NDUFA12: variants seen among roughly 807,000 people sequenced by gnomAD.
NDUFA12 encodes the protein NADH:ubiquinone oxidoreductase subunit A12, also known as NADH dehydrogenase [ubiquinone] 1 alpha subcomplex subunit 12.
NDUFA12 carries 17 observed loss-of-function variants against 20.3 expected under a neutral mutation model. That is an observed-to-expected ratio of 0.84 (90% confidence interval 0.57 to 1.26). The LOEUF (loss-of-function observed/expected upper bound fraction) is 1.26. Among genes scored for constraint, NDUFA12 ranks in the 50% most tolerant of loss-of-function variants. NDUFA12 has a pLI of 0.00. For missense variants in NDUFA12, 191 were observed against 183.7 expected, an observed-to-expected ratio of 1.04 and a Z score of -0.23; for synonymous variants, 72 against 63.6, an observed-to-expected ratio of 1.13 and a Z score of -0.63.
At chr12:94,976,581 G>T (rs1192970965) in intron 3 of NDUFA12, among the ~76,000 whole-genome samples, 1 of 152,072 alleles carries the variant, frequency 6.6e-6, no homozygotes, top group Non-Finnish European at 1.5e-5. Context: ...ATAATACTCG[G>T]CACACAGCAA....
At chr12:94,979,346 T>C (rs1293384130) in intron 3 of NDUFA12, among the ~76,000 whole-genome samples, 4 of 152,352 alleles carry the variant, frequency 2.6e-5, no homozygotes, top group South Asian at 2.1e-4. Context: ...GGCCAAAGAA[T>C]TGTTTCTACC....
At chr12:94,998,914 C>G (rs923690057) in intron 2 of NDUFA12, among the ~76,000 whole-genome samples, 5 of 152,148 alleles carry the variant, frequency 3.3e-5, no homozygotes, top group Admixed American at 2.0e-4. Context: ...TGGCCCAAAG[C>G]AATCTACAGA....
At chr12:94,995,674 T>C (rs562423277) in intron 2 of NDUFA12, among the ~76,000 whole-genome samples, 5 of 151,600 alleles carry the variant, frequency 3.3e-5, no homozygotes, top group African/African-American at 1.2e-4. Context: ...GCTGGGACCA[T>C]AGGCATGTGC....
chr12:94,971,450 G>T lies in NDUFA12; in HGVS notation c.428C>A (p.Pro143His). 6.2e-7 allele frequency: 1 copy of T among 1,614,094 alleles called. No homozygotes were observed. The highest frequency in any genetic ancestry group is 8.5e-7 in the Non-Finnish European group (1 of 1,179,938). ...TGTTCTTCATTGTCTTTACTTGTAA[G>T]GTGTTGAAGGTGGGATCCACTCCTG... ...KIQEWIPPSTPYK is the reference protein window; with the variant it reads ...KIQEWIPPSTHYK The change falls in exon 4 of 4, where the codon CCT (proline) becomes CAT (histidine). Residue 143 changes from proline to histidine, a missense_variant. Physicochemically the swap from Pro to His is moderately conservative, Grantham distance 77. Transcript: ENST00000327772.
rs533970472 is a variant in NDUFA12, at chr12:95,001,516, T to A, written c.169+1223A>T. 4.6e-5 allele frequency among the ~76,000 whole-genome samples: 7 copies of A among 152,040 alleles called. No homozygotes were observed. In the East Asian group the frequency reaches 5.8e-4, roughly 13 times the overall value. On this transcript the variant is annotated intron_variant, in intron 2 of 3. Transcript: ENST00000327772. ...GGTGACACATGCCTGTAATCCCAGCTACTTGGGTGGCTGAGGTAGGAGGAC... is the reference window on the plus strand; with the variant it reads ...GGTGACACATGCCTGTAATCCCAGCAACTTGGGTGGCTGAGGTAGGAGGAC...
In NDUFA12 at chr12:94,998,300, TCAACAAAA is replaced by T. The variant is rs554469255; in HGVS notation, c.170-4051_170-4044del. ...CAACATTCCTGTATGATAAAAACCC[TCAACAAAA>T]TTGGCACAGAAGGAACATACCTCAA... is the stretch of plus-strand genomic sequence containing the variant. On this transcript the variant is annotated intron_variant, in intron 2 of 3. Transcript: ENST00000327772. 6.3e-4 allele frequency among the ~76,000 whole-genome samples: 96 copies of T among 152,134 alleles called. No individual in the cohort carries two copies. In the South Asian group the frequency reaches 0.018, roughly 28 times the overall value.
rs545522842 is a variant in NDUFA12 at position 94,991,024 on chromosome 12, C to T, written c.257+3146G>A. ...AAAGGCCAGGTGTGGTGGCTCATGC[C>T]TCTAATCCCAGTATTTTGGGAGGCA... On this transcript the variant is annotated intron_variant, in intron 3 of 3. Coordinates refer to ENST00000327772, the MANE Select transcript of NDUFA12 (RefSeq NM_018838.5). Among the ~76,000 whole-genome samples the T allele has an allele frequency of 1.3e-4, 20 of 152,256 alleles. No individual in the cohort carries two copies. The East Asian group carries it at 3.7e-3, about 28-fold the overall frequency.
At chr12:94,990,898 AAAAC>A (rs751158216) in intron 3 of NDUFA12, among the ~76,000 whole-genome samples, 13 of 152,216 alleles carry the variant, frequency 8.5e-5, no homozygotes, top group Admixed American at 1.3e-4. Flanking sequence ...CAGTATTTGA[AAAAC>A]AAACAAACTA....
chr12:94,988,763 C>G lies in NDUFA12; in HGVS notation c.257+5407G>C, dbSNP rs149209376. On this transcript the variant is annotated intron_variant, in intron 3 of 3. Coordinates refer to ENST00000327772, the MANE Select transcript of NDUFA12 (RefSeq NM_018838.5). The stretch of plus-strand genomic sequence containing the variant: ...TTCCTGTTTACAGGAGACTATAAAA[C>G]CCCTGCCCCATCCTCATTTGGTGCT... 6.2e-4 allele frequency among the ~76,000 whole-genome samples: 94 copies of G among 152,278 alleles called. No homozygotes were observed. The East Asian group carries it at 0.017, about 28-fold the overall frequency.
intron 2 of NDUFA12, among the ~76,000 whole-genome samples, chr12:94,994,750 A>C (rs1258066895): frequency 2.0e-5 from 3 of 152,242 alleles, no homozygotes; most frequent in Admixed American, 1.3e-4. Flanking sequence ...AACATTAGAA[A>C]TGATGGTTAG....
chr12:94,996,888 TAGAA>T (rs140308793), intron 2 of NDUFA12: 70 of 327,360 alleles, frequency 2.1e-4, no homozygotes, highest in African/African-American at 1.5e-3. Context: ...CAGTGAGAAG[TAGAA>T]AGAATAATTA....
In NDUFA12 at chr12:94,993,812, T is replaced by C. The variant is rs886450548; in HGVS notation, c.257+358A>G. Among the ~76,000 whole-genome samples the C allele has an allele frequency of 4.6e-5, 7 of 151,854 alleles. No homozygotes were observed. The South Asian group carries it at 1.5e-3, about 32-fold the overall frequency. ...AGCCAGGCGTGGTGGCTCACACCTG[T>C]AGTCCCAGCTACTCGGGAGGCTAAG... is the stretch of plus-strand genomic sequence containing the variant. On this transcript the variant is annotated intron_variant, in intron 3 of 3. Transcript: ENST00000327772.
chr12:95,000,730 T>C (rs1230736120), intron 2 of NDUFA12, among the ~76,000 whole-genome samples: 1 of 152,220 alleles, frequency 6.6e-6, no homozygotes, highest in African/African-American at 2.4e-5. Context: ...CCTTCCAAAA[T>C]TTAACATGCA....
intron 3 of NDUFA12, among the ~76,000 whole-genome samples, chr12:94,973,968 C>CTTTTTTTTTTTTTTTTTTTTTTTTT (rs35862087): frequency 9.9e-6 from 1 of 100,956 alleles, no homozygotes; most frequent in African/African-American, 3.6e-5. Flanking sequence ...ACTCTTGGGT[C>CTTTTTTTTTTTTTTTTTTTTTTTTT]TTTTTTTTTT....
At chr12:95,003,010 T>G (rs1001474709) in intron 1 of NDUFA12, among the ~76,000 whole-genome samples, 189 bp from the exon 2 acceptor site, 1 of 152,214 alleles carries the variant, frequency 6.6e-6, no homozygotes, top group African/African-American at 2.4e-5. Context: ...AAAATATAAA[T>G]GTAGTCTCTT....
intron 2 of NDUFA12, among the ~76,000 whole-genome samples, chr12:94,999,900 T>G (rs1330655378): frequency 1.3e-5 from 2 of 152,134 alleles, no homozygotes; most frequent in African/African-American, 4.8e-5. Context: ...GTACAACAAC[T>G]ATGGAAAACA....
intron 3 of NDUFA12, among the ~76,000 whole-genome samples, chr12:94,985,900 T>A (rs1371751105): frequency 6.6e-6 from 1 of 151,614 alleles, no homozygotes; most frequent in Non-Finnish European, 1.5e-5. Context: ...GCCTGGCCAA[T>A]ATGGTGAAAC....
intron 3 of NDUFA12, among the ~76,000 whole-genome samples, chr12:94,978,595 T>C (rs1565813414): frequency 1.3e-5 from 2 of 152,208 alleles, no homozygotes; most frequent in Non-Finnish European, 2.9e-5. Context: ...ACTAAACTGC[T>C]TAAAGAGATG....
intron 3 of NDUFA12, among the ~76,000 whole-genome samples, chr12:94,976,532 T>C (rs1316042204): frequency 3.3e-5 from 5 of 152,216 alleles, no homozygotes; most frequent in Admixed American, 2.6e-4. Context: ...TAATGCCTAA[T>C]ATGATGTCTG....
Sources: gnomAD v4.1 joint callset for allele counts (sites outside exome capture counted in the v4.1 genomes callset) on GRCh38, gnomAD v4.1.1 for gene constraint, MANE v1.5 for transcripts, NCBI Gene and HGNC (gene_info 2026-07-23, HGNC 2026-07-21) for gene names.